The following PDIA3 variants were observed in gnomAD, a reference collection of about 807,000 sequenced individuals.
PDIA3 encodes protein disulfide-isomerase A3.
In PDIA3, 16 loss-of-function variants were observed where a neutral mutation model predicts 56.9. The ratio of observed to expected loss-of-function variants is 0.28; its 90% confidence interval spans 0.19 to 0.43. The LOEUF (loss-of-function observed/expected upper bound fraction) is 0.43, where lower values mean the gene tolerates loss of function less well. Among genes scored for constraint, PDIA3 ranks in the 20% least tolerant of loss-of-function variants. PDIA3 has a pLI of 1.00. For synonymous variants in PDIA3, 192 were observed against 216.5 expected (o/e 0.89, Z 0.99); for missense variants, 485 against 621.3 (o/e 0.78, Z 2.33).
chr15:43,750,430 A>G (rs918901976), intron 1 of PDIA3, among the ~76,000 whole-genome samples: 27 of 152,012 alleles, frequency 1.8e-4, no homozygotes, highest in African/African-American at 6.5e-4. Flanking sequence ...AAATAACACT[A>G]TTTAAATGTT....
chr15:43,753,580 A>G (rs948572460), intron 1 of PDIA3, among the ~76,000 whole-genome samples: 1 of 152,232 alleles, frequency 6.6e-6, no homozygotes, highest in African/African-American at 2.4e-5. Flanking sequence ...TATTGAGAAA[A>G]TAGAGCTGCC....
intron 1 of PDIA3, among the ~76,000 whole-genome samples, chr15:43,748,197 G>T (rs569437790): frequency 6.6e-6 from 1 of 152,168 alleles, no homozygotes; most frequent in South Asian, 2.1e-4. Flanking sequence ...GAATTTTGGG[G>T]CTGGGCATGG....
At chr15:43,760,691 G>A (rs1264610286) in intron 3 of PDIA3, among the ~76,000 whole-genome samples, 2 of 151,082 alleles carry the variant, frequency 1.3e-5, no homozygotes, top group East Asian at 2.1e-4. Context: ...CACCATGCCC[G>A]GCTAATTTTT....
chr15:43,753,924 A>C (rs781661864), intron 2 of PDIA3, 22 bp downstream of exon 2: 18 of 1,514,446 alleles, frequency 1.2e-5, no homozygotes. Flanking sequence ...TGGATTCTTC[A>C]CTAAAGGACG....
intron 2 of PDIA3, among the ~76,000 whole-genome samples, chr15:43,755,721 C>T (rs1240603987): frequency 1.3e-5 from 2 of 152,148 alleles, no homozygotes; most frequent in Admixed American, 1.3e-4. Context: ...CAAGACCAGC[C>T]TGGCCAACAT....
rs767391333 is a variant in PDIA3, at chr15:43,765,968, G to A, written c.801G>A (p.Val267=). The A allele has an allele frequency of 6.2e-7, 1 of 1,613,296 alleles. No homozygotes were observed. Among genetic ancestry groups the A allele is most frequent in the South Asian group, 1.1e-5 (1 of 91,028 alleles). The change falls in exon 7 of 13, where the codon GTG becomes GTA. Residue 267 remains valine, a synonymous_variant. Transcript: ENST00000300289. ...ACTTACTTATTGCTTACTATGATGT[G>A]GACTATGAAAAGAACGCTAAAGGTT... ...GKDLLIAYYD[V]DYEKNAKGSN...
At position 43,746,523 on chromosome 15, in the gene PDIA3, C is replaced by T. The variant is rs1299509996; in HGVS notation, c.-17C>T. ...GAGCCGCGACCCTTCCGGCCGTCCC[C>T]ACCCCACCTCGCCGCCATGCGCCTC... is the stretch of plus-strand genomic sequence containing the variant. On this transcript the variant is annotated 5_prime_UTR_variant, in exon 1 of 13. Transcript: ENST00000300289. 1 of 1,578,274 alleles carries T rather than the reference C, an allele frequency of 6.3e-7. No individual in the cohort carries two copies. The highest frequency in any genetic ancestry group is 1.8e-5 in the Admixed American group (1 of 56,548).
In PDIA3 at chr15:43,763,141, G is replaced by A. The variant is rs773520985; in HGVS notation, c.537G>A (p.Arg179=). The stretch of plus-strand genomic sequence containing the variant: ...TCCTAAAAGCAGCCAGCAACTTGAG[G>A]GATAACTACCGATTTGCACATACGA... ...SEFLKAASNL[R]DNYRFAHTNV... Residue 179 remains arginine, a synonymous_variant, in exon 5 of 13, where the codon AGG becomes AGA. Transcript: ENST00000300289. The A allele has an allele frequency of 1.9e-6, 3 of 1,613,978 alleles. No individual in the cohort carries two copies. The highest frequency in any genetic ancestry group is 1.3e-5 in the African/African-American group (1 of 74,924).
At position 43,773,001 on chromosome 15, in the gene PDIA3, C is replaced by T. The variant is rs559286231; in HGVS notation, c.*1783C>T. The T allele has an allele frequency of 1.0e-6, 1 of 1,000,242 alleles. No homozygotes were observed. The highest frequency in any genetic ancestry group is 1.6e-5 in the South Asian group (1 of 60,728). 62.0% of individuals were successfully genotyped at this position (1,000,242 alleles called of 1,614,324 possible). A position where few individuals can be genotyped will look rare whatever the true frequency, so the allele number is the denominator to read the frequency against. On this transcript the variant is annotated 3_prime_UTR_variant, in exon 13 of 13. Coordinates refer to ENST00000300289, the MANE Select transcript of PDIA3 (RefSeq NM_005313.5). ...CCTAGAGCAGCTCTCTACTTGCCAC[C>T]ATGGACTCCAGTGGTCAGCATAAGA...
chr15:43,767,215 G>T (rs1208147560), intron 8 of PDIA3, among the ~76,000 whole-genome samples: 1 of 151,924 alleles, frequency 6.6e-6, no homozygotes, highest in South Asian at 2.1e-4. Flanking sequence ...AGCCAGGCAC[G>T]GTGGTGCATG....
At chr15:43,770,683 T>A (rs542864406) in intron 12 of PDIA3, 103 bp downstream of exon 12, 12 of 832,522 alleles carry the variant, frequency 1.4e-5, no homozygotes, top group African/African-American at 3.4e-5. Flanking sequence ...TTAATTATTT[T>A]TTGAGACGGA....
intron 5 of PDIA3, 36 bp from the exon 6 acceptor site, chr15:43,765,414 A>T: frequency 5.2e-6 from 6 of 1,149,770 alleles, no homozygotes; most frequent in Admixed American, 2.0e-5. Flanking sequence ...TTCTTCTGCT[A>T]TCTGCCTACT....
intron 2 of PDIA3, 51 bp from the exon 3 acceptor site, chr15:43,756,598 C>A: frequency 9.7e-7 from 1 of 1,031,300 alleles, no homozygotes; most frequent in Non-Finnish European, 1.5e-6. Flanking sequence ...ATAGGAAGAA[C>A]CTGCAGCAGA....
At chr15:43,764,847 A>G (rs11070410) in intron 5 of PDIA3, among the ~76,000 whole-genome samples, 91,931 of 152,006 alleles carry the variant, frequency 0.6, 30,979 homozygotes, top group Non-Finnish European at 0.73. Context: ...AGAAGGATTA[A>G]ATTGAGACCT....
At chr15:43,762,286 C>T (rs545234733) in intron 4 of PDIA3, among the ~76,000 whole-genome samples, 11 of 152,156 alleles carry the variant, frequency 7.2e-5, no homozygotes, top group Non-Finnish European at 1.2e-4. Context: ...CTGAAGCGGG[C>T]GGATCACCTG....
chr15:43,757,274 C>T (rs573039954), intron 3 of PDIA3, among the ~76,000 whole-genome samples: 224 of 152,070 alleles, frequency 1.5e-3, no homozygotes, highest in African/African-American at 5.0e-3. Flanking sequence ...AAGTTTGGGC[C>T]GGGGCCGGGT....
In PDIA3 at chr15:43,773,278, G is replaced by A. The variant is rs147445511; in HGVS notation, c.*2060G>A. On this transcript the variant is annotated 3_prime_UTR_variant, in exon 13 of 13. Coordinates refer to ENST00000300289, the MANE Select transcript of PDIA3 (RefSeq NM_005313.5). ...AAAGTAAAAATTCTCATTCTACCTTGCTTCCGTTCCCAGACCTTGTCTTAC... is the reference window on the plus strand; with the variant it reads ...AAAGTAAAAATTCTCATTCTACCTTACTTCCGTTCCCAGACCTTGTCTTAC... The A allele has an allele frequency of 3.3e-4, 536 of 1,614,042 alleles. 3 individuals are homozygous for A. The East Asian group carries it at 0.011, about 33-fold the overall frequency.
intron 5 of PDIA3, among the ~76,000 whole-genome samples, 160 bp from the exon 6 acceptor site, chr15:43,765,290 A>G (rs1047386266): frequency 5.3e-5 from 8 of 151,970 alleles, no homozygotes; most frequent in Non-Finnish European, 1.0e-4. Context: ...CTAAGGTAGG[A>G]GGATCACTTG....
intron 12 of PDIA3, 79 bp downstream of exon 12, chr15:43,770,659 G>A: frequency 1.0e-6 from 1 of 954,214 alleles, no homozygotes; most frequent in Non-Finnish European, 1.6e-6. Flanking sequence ...CTTTAATTGG[G>A]TTTATTTATT....
Sources: gnomAD v4.1 joint callset for allele counts (sites outside exome capture counted in the v4.1 genomes callset) on GRCh38, gnomAD v4.1.1 for gene constraint, MANE v1.5 for transcripts, NCBI Gene and HGNC (gene_info 2026-07-23, HGNC 2026-07-21) for gene names.